PLIN3: variants seen among roughly 807,000 people sequenced by gnomAD.
PLIN3 encodes perilipin 3.
In PLIN3, 30 loss-of-function variants were observed where a neutral mutation model predicts 35.9. The observed-to-expected ratio is 0.84, with a 90% CI of 0.62 to 1.13. The LOEUF is 1.13. Ranked by LOEUF, PLIN3 falls within the 50% of genes most tolerant of loss-of-function variation. The pLI is 0.00. For missense variants in PLIN3, 603 were observed against 596.9 expected (o/e 1.01, Z -0.11); for synonymous variants, 261 against 262.5 (o/e 0.99, Z 0.06).
chr19:4,858,461 T>G (rs2030546100), intron 4 of PLIN3, among the ~76,000 whole-genome samples: 1 of 151,170 alleles, frequency 6.6e-6, no homozygotes, highest in Admixed American at 6.6e-5. Context: ...CACTGCAACC[T>G]CCGTCTCCTG....
intron 4 of PLIN3, among the ~76,000 whole-genome samples, chr19:4,856,466 G>A (rs908592826): frequency 6.6e-6 from 1 of 151,922 alleles, no homozygotes; most frequent in Non-Finnish European, 1.5e-5. Context: ...GCTGAGGCAG[G>A]AGAATCGCTT....
rs988944110 is a variant in PLIN3, at chr19:4,838,623, C to A, written c.*569G>T. On this transcript the variant is annotated 3_prime_UTR_variant, in exon 8 of 8. Transcript: ENST00000221957. ...GAGACTAAGTCTCACTCTTGTCCCCCAGGCTGGAGTGCAATGGCGCGATCT... is the reference window on the plus strand; with the variant it reads ...GAGACTAAGTCTCACTCTTGTCCCCAAGGCTGGAGTGCAATGGCGCGATCT... 6.6e-6 allele frequency: 1 copy of A among 151,060 alleles called. No individual in the cohort carries two copies. Among genetic ancestry groups the A allele is most frequent in the Non-Finnish European group, 1.5e-5 (1 of 67,886 alleles). 9.4% of individuals were successfully genotyped at this position (151,060 alleles called of 1,614,324 possible).
intron 5 of PLIN3, among the ~76,000 whole-genome samples, chr19:4,849,371 A>C (rs1033422754): frequency 2.0e-5 from 3 of 149,692 alleles, no homozygotes; most frequent in African/African-American, 7.4e-5. Flanking sequence ...GCAGCGGTGC[A>C]ATCATAGCTC....
At chr19:4,846,346 G>A (rs2030096473) in intron 6 of PLIN3, among the ~76,000 whole-genome samples, 1 of 148,672 alleles carries the variant, frequency 6.7e-6, no homozygotes, top group Non-Finnish European at 1.5e-5. Context: ...TCGTCATAAA[G>A]GTAAATGAAG....
intron 1 of PLIN3, among the ~76,000 whole-genome samples, chr19:4,866,010 A>G (rs1354020214): frequency 2.1e-5 from 3 of 145,302 alleles, no homozygotes; most frequent in Non-Finnish European, 4.5e-5. Flanking sequence ...GGCGTGAGCC[A>G]CCATGCCCGG....
At chr19:4,851,693 T>C (rs969630647) in intron 5 of PLIN3, among the ~76,000 whole-genome samples, 8 of 151,556 alleles carry the variant, frequency 5.3e-5, no homozygotes, top group African/African-American at 1.9e-4. Flanking sequence ...TGCAGGACCT[T>C]GTGGGCTGTG....
At chr19:4,858,459 C>T (rs2030546018) in intron 4 of PLIN3, among the ~76,000 whole-genome samples, 2 of 151,286 alleles carry the variant, frequency 1.3e-5, no homozygotes, top group Admixed American at 1.3e-4. Context: ...CTCACTGCAA[C>T]CTCCGTCTCC....
At position 4,839,545 on chromosome 19, in the gene PLIN3, G is replaced by A. The variant is rs756404346; in HGVS notation, c.961-9C>T. 6.6e-7 allele frequency: 1 copy of A among 1,506,524 alleles called. No individual in the cohort carries two copies. Among genetic ancestry groups the A allele is most frequent in the Non-Finnish European group, 8.9e-7 (1 of 1,125,548 alleles). The allele number at this position is 1,506,524 out of a possible 1,614,324, so 93.3% of individuals were successfully genotyped here. A position where few individuals can be genotyped will look rare whatever the true frequency, so the allele number is the denominator to read the frequency against. Reference sequence around the variant, plus strand: ...GCCCGGGACTCGACCTGCTGAGAAGGGAGATGGGGACACCAATCAGGACCA... The same window carrying A: ...GCCCGGGACTCGACCTGCTGAGAAGAGAGATGGGGACACCAATCAGGACCA... On this transcript the variant is annotated splice_polypyrimidine_tract_variant and intron_variant, in intron 7 of 7. Transcript: ENST00000221957.
chr19:4,858,445 T>C (rs1222414193), intron 4 of PLIN3, among the ~76,000 whole-genome samples: 1 of 151,284 alleles, frequency 6.6e-6, no homozygotes, highest in African/African-American at 2.4e-5. Flanking sequence ...TGGCGCGATC[T>C]CAGCTCACTG....
intron 7 of PLIN3, among the ~76,000 whole-genome samples, chr19:4,843,604 G>A (rs909160666): frequency 1.3e-5 from 2 of 152,036 alleles, no homozygotes; most frequent in African/African-American, 4.8e-5. Context: ...GGCTGAAGTG[G>A]GAGTATTGCT....
chr19:4,851,481 T>A (rs72984120), intron 5 of PLIN3, among the ~76,000 whole-genome samples: 27,232 of 151,760 alleles, frequency 0.18, 3,312 homozygotes, highest in East Asian at 0.47. Context: ...ATAAATAAAT[T>A]AATTAAAGAA....
chr19:4,845,700 G>A lies in PLIN3; in HGVS notation c.835-907C>T, dbSNP rs2030065514. ...AGCACTTTGGGAGGCCGAGGCGGGT[G>A]GATCACGAGGTGAGGAGATCGAGAC... On this transcript the variant is annotated intron_variant, in intron 6 of 7. Coordinates refer to ENST00000221957, the MANE Select transcript of PLIN3 (RefSeq NM_005817.5). 2.0e-5 allele frequency among the ~76,000 whole-genome samples: 3 copies of A among 151,884 alleles called. No homozygotes were observed. The South Asian group carries it at 6.2e-4, about 32-fold the overall frequency.
intron 4 of PLIN3, among the ~76,000 whole-genome samples, chr19:4,854,210 G>A (rs368500857): frequency 4.6e-5 from 7 of 151,950 alleles, no homozygotes; most frequent in Admixed American, 6.6e-5. Context: ...TGGGATGACC[G>A]ACATGAGCCA....
At chr19:4,846,419 C>T (rs1324346177) in intron 6 of PLIN3, among the ~76,000 whole-genome samples, 1 of 151,778 alleles carries the variant, frequency 6.6e-6, no homozygotes, top group African/African-American at 2.4e-5. Context: ...GAGATTAGAG[C>T]TGTGCGTGGT....
Position 4,857,116 on chromosome 19 carries a change from G to C in PLIN3, c.348+2474C>G, listed in dbSNP as rs572026072. The stretch of plus-strand genomic sequence containing the variant: ...AGGGGTAAGAATGTGGCTGTATTTA[G>C]AGACAGGGTCTTTAAAAAGCGGTGA... On this transcript the variant is annotated intron_variant, in intron 4 of 7. Transcript: ENST00000221957. Among the ~76,000 whole-genome samples, 3 of 152,144 alleles carry C rather than the reference G, an allele frequency of 2.0e-5. No individual in the cohort carries two copies. The East Asian group carries it at 5.8e-4, about 29-fold the overall frequency.
At chr19:4,865,785 G>A (rs1384362104) in intron 1 of PLIN3, among the ~76,000 whole-genome samples, 4 of 148,544 alleles carry the variant, frequency 2.7e-5, no homozygotes, top group African/African-American at 7.5e-5. Context: ...GTGCAGTGGC[G>A]CGATCTCAGC....
intron 5 of PLIN3, among the ~76,000 whole-genome samples, chr19:4,851,510 G>A (rs2030289956): frequency 6.6e-6 from 1 of 152,094 alleles, no homozygotes; most frequent in African/African-American, 2.4e-5. Context: ...AATAAACAGT[G>A]CAGGGAGTGC....
In PLIN3 at chr19:4,864,455, G is replaced by GT. The variant is rs918927488; in HGVS notation, c.-17-3045dup. ...GAGTCACTGCACTCAGCCGTGGTTTGTTTTTTTTTTTGTTGTTGTTGTTGT... is the reference window on the plus strand; with the variant it reads ...GAGTCACTGCACTCAGCCGTGGTTTGTTTTTTTTTTTTGTTGTTGTTGTTGT... On this transcript the variant is annotated intron_variant, in intron 1 of 7. Coordinates refer to ENST00000221957, the MANE Select transcript of PLIN3 (RefSeq NM_005817.5). Among the ~76,000 whole-genome samples the GT allele has an allele frequency of 5.7e-3, 771 of 134,912 alleles. 9 individuals carry two copies. Among genetic ancestry groups the GT allele is most frequent in the African/African-American group, 0.017 (613 of 35,534 alleles). 88.5% of individuals were successfully genotyped at this position (134,912 alleles called of 152,430 possible).
At chr19:4,853,394 C>T (rs1020251134) in intron 4 of PLIN3, among the ~76,000 whole-genome samples, 9 of 151,944 alleles carry the variant, frequency 5.9e-5, no homozygotes, top group African/African-American at 1.7e-4. Context: ...GGTGCAATCT[C>T]GATTCACTGC....
Sources: gnomAD v4.1 joint callset for allele counts (sites outside exome capture counted in the v4.1 genomes callset) on GRCh38, gnomAD v4.1.1 for gene constraint, MANE v1.5 for transcripts, NCBI Gene and HGNC (gene_info 2026-07-23, HGNC 2026-07-21) for gene names.